The following PRKN variants were observed in gnomAD, a reference collection of about 807,000 sequenced individuals.
PRKN encodes E3 ubiquitin-protein ligase parkin.
Under a neutral mutation model 59.5 loss-of-function variants are expected in PRKN, and 56 were observed. The ratio of observed to expected loss-of-function variants is 0.94; its 90% CI spans 0.76 to 1.18. The LOEUF (loss-of-function observed/expected upper bound fraction) is 1.18. PRKN is among the 50% of genes most tolerant of loss of function. PRKN has a pLI of 0.00. For synonymous variants in PRKN, 250 were observed against 222.1 expected (o/e 1.13, Z -1.12); for missense variants, 657 against 596.4 (o/e 1.10, Z -1.06).
At chr6:162,320,926 G>GA (rs1302837088) in intron 2 of PRKN, among the ~76,000 whole-genome samples, 1 of 151,748 alleles carries the variant, frequency 6.6e-6, no homozygotes, top group Admixed American at 6.6e-5. Context: ...GGACTAAACA[G>GA]AAAAAAGTTT....
At position 161,487,118 on chromosome 6, in the gene PRKN, A is replaced by G. The variant is rs1791687992; in HGVS notation, c.1083+61736T>C. ...GAGGGGCGATGAGGTAAGAATGACT[A>G]ATGCTTATGAACCATTGCCTGATAA... is the stretch of plus-strand genomic sequence containing the variant. On this transcript the variant is annotated intron_variant, in intron 9 of 11. Coordinates refer to ENST00000366898, the MANE Select transcript of PRKN (RefSeq NM_004562.3). The surrounding 1 kb of genome is among the most constrained non-coding windows in gnomAD (Gnocchi z 5.3). 6.6e-6 allele frequency among the ~76,000 whole-genome samples: 1 copy of G among 152,180 alleles called. No individual in the cohort carries two copies. Among genetic ancestry groups the G allele is most frequent in the Non-Finnish European group, 1.5e-5 (1 of 68,022 alleles).
rs753789640 is a variant in PRKN, at chr6:161,487,653, TATG to T, written c.1083+61198_1083+61200del. 5.2e-4 allele frequency among the ~76,000 whole-genome samples: 79 copies of T among 152,350 alleles called. No homozygotes were observed. The highest frequency in any genetic ancestry group is 1.0e-3 in the Non-Finnish European group (68 of 68,040). On this transcript the variant is annotated intron_variant, in intron 9 of 11. Coordinates refer to ENST00000366898, the MANE Select transcript of PRKN (RefSeq NM_004562.3). This position sits in a 1 kb window ranked among gnomAD's most constrained non-coding sequence, Gnocchi z 5.3. ...AATAATATTAAATATTGACTACTGATATGATAATATGTGTATTCATGTAGGAGG... is the reference window on the plus strand; with the variant it reads ...AATAATATTAAATATTGACTACTGATATAATATGTGTATTCATGTAGGAGG...
intron 6 of PRKN, among the ~76,000 whole-genome samples, chr6:161,960,432 A>G (rs1342295317): frequency 1.3e-5 from 2 of 152,196 alleles, no homozygotes; most frequent in African/African-American, 4.8e-5. Context: ...AGAAGCAGAA[A>G]CTTCTTTAGC....
chr6:162,062,322 A>G (rs978839108), intron 4 of PRKN, among the ~76,000 whole-genome samples: 5 of 152,224 alleles, frequency 3.3e-5, no homozygotes, highest in Admixed American at 6.5e-5. Context: ...AACATGGAAT[A>G]TGTGGCATGA....
intron 2 of PRKN, among the ~76,000 whole-genome samples, chr6:162,366,110 C>T (rs997657871): frequency 5.9e-5 from 9 of 152,166 alleles, no homozygotes; most frequent in Non-Finnish European, 7.3e-5. Context: ...ATTATGGCAA[C>T]GGCCCTTTTC....
intron 4 of PRKN, among the ~76,000 whole-genome samples, chr6:162,108,867 G>C (rs977939717): frequency 6.6e-6 from 1 of 152,166 alleles, no homozygotes; most frequent in Non-Finnish European, 1.5e-5. Flanking sequence ...CCCACAACTG[G>C]GGCTTAGCTG....
chr6:161,366,510 CA>C (rs1462662483), intron 10 of PRKN, among the ~76,000 whole-genome samples: 2 of 152,214 alleles, frequency 1.3e-5, no homozygotes, highest in African/African-American at 4.8e-5. Context: ...ACTGTTAAAG[CA>C]AACTAAGTAT....
chr6:162,380,732 A>G (rs1267009910), intron 2 of PRKN, among the ~76,000 whole-genome samples: 3 of 151,904 alleles, frequency 2.0e-5, no homozygotes, highest in Admixed American at 2.0e-4. Flanking sequence ...TGTTTAAAAA[A>G]AAACCTTGAA....
chr6:161,940,724 G>C (rs1201053267), intron 6 of PRKN, among the ~76,000 whole-genome samples: 1 of 152,212 alleles, frequency 6.6e-6, no homozygotes, highest in African/African-American at 2.4e-5. Flanking sequence ...GCCGGAAAGT[G>C]ACTGTTCAGA....
chr6:161,437,972 A>T (rs1789004497), intron 9 of PRKN, among the ~76,000 whole-genome samples: 1 of 152,086 alleles, frequency 6.6e-6, no homozygotes, highest in African/African-American at 2.4e-5. Flanking sequence ...CTTGTAATTG[A>T]CACAGTAATT....
chr6:161,663,645 A>G (rs546710065), intron 7 of PRKN, among the ~76,000 whole-genome samples: 8 of 152,296 alleles, frequency 5.3e-5, no homozygotes, highest in Admixed American at 5.2e-4. Flanking sequence ...GAAATATTAG[A>G]CTTTATCTGT....
Position 161,497,577 on chromosome 6 carries a change from T to TCTCTCACACACACACACA in PRKN, c.1083+51276_1083+51277insTGTGTGTGTGTGTGAGAG, listed in dbSNP as rs369404858. 1.4e-5 allele frequency among the ~76,000 whole-genome samples: 2 copies of TCTCTCACACACACACACA among 147,478 alleles called. No homozygotes were observed. Among genetic ancestry groups the TCTCTCACACACACACACA allele is most frequent in the African/African-American group, 5.0e-5 (2 of 39,800 alleles). Reference sequence around the variant, plus strand: ...ATGTCTCTCTCTCTCTCTCTCTCTCTCACACACACACACACACACACCATA... The same window carrying TCTCTCACACACACACACA: ...ATGTCTCTCTCTCTCTCTCTCTCTCTCTCTCACACACACACACACACACACACACACACACACACCATA... On this transcript the variant is annotated intron_variant, in intron 9 of 11. Coordinates refer to ENST00000366898, the MANE Select transcript of PRKN (RefSeq NM_004562.3). This position sits in a 1 kb window ranked among gnomAD's most constrained non-coding sequence, Gnocchi z 4.6.
Position 161,529,980 on chromosome 6 carries a change from A to G in PRKN, c.1083+18874T>C, listed in dbSNP as rs191380639. 3.3e-4 allele frequency among the ~76,000 whole-genome samples: 50 copies of G among 149,418 alleles called. No individual in the cohort carries two copies. Among genetic ancestry groups the G allele is most frequent in the African/African-American group, 1.3e-3 (50 of 38,854 alleles). On this transcript the variant is annotated intron_variant, in intron 9 of 11. Coordinates refer to ENST00000366898, the MANE Select transcript of PRKN (RefSeq NM_004562.3). This position sits in a 1 kb window ranked among gnomAD's most constrained non-coding sequence, Gnocchi z 4.4. ...CTTTGTAGAGTAGTGAAACTTATTG[A>G]GCATGTTATAAAAACAACAGAGCAG...
At chr6:162,530,362 C>T (rs1778461838) in intron 1 of PRKN, among the ~76,000 whole-genome samples, 1 of 152,138 alleles carries the variant, frequency 6.6e-6, no homozygotes, top group Non-Finnish European at 1.5e-5. Context: ...ATTTAGAGAA[C>T]TGCCGCTTAA....
chr6:161,467,026 A>G lies in PRKN; in HGVS notation c.1084-80149T>C, dbSNP rs1655870398. Among the ~76,000 whole-genome samples the G allele has an allele frequency of 6.6e-6, 1 of 152,188 alleles. No individual in the cohort carries two copies. Among genetic ancestry groups the G allele is most frequent in the Non-Finnish European group, 1.5e-5 (1 of 68,032 alleles). On this transcript the variant is annotated intron_variant, in intron 9 of 11. Coordinates refer to ENST00000366898, the MANE Select transcript of PRKN (RefSeq NM_004562.3). The surrounding 1 kb of genome is among the most constrained non-coding windows in gnomAD (Gnocchi z 4.3). Reference sequence around the variant, plus strand: ...ATACAAGCCAACTTCTCTCTGCAGAATGTTCTACATCCCAGAAACCAGGAT... The same window carrying G: ...ATACAAGCCAACTTCTCTCTGCAGAGTGTTCTACATCCCAGAAACCAGGAT...
At chr6:161,667,347 C>G (rs1040410685) in intron 7 of PRKN, among the ~76,000 whole-genome samples, 1 of 152,156 alleles carries the variant, frequency 6.6e-6, no homozygotes, top group Non-Finnish European at 1.5e-5. Context: ...CTCAGGGACT[C>G]CATCCCTGGC....
intron 5 of PRKN, among the ~76,000 whole-genome samples, chr6:162,002,990 C>T (rs1005355617): frequency 6.6e-6 from 1 of 151,902 alleles, no homozygotes; most frequent in South Asian, 2.1e-4. Flanking sequence ...TCTATGATTT[C>T]TATTCTTTTA....
chr6:162,390,392 TATATACAC>T (rs1469674589), intron 2 of PRKN, among the ~76,000 whole-genome samples: 87 of 123,504 alleles, frequency 7.0e-4, no homozygotes, highest in African/African-American at 3.3e-3. Flanking sequence ...TATATATATA[TATATACAC>T]ACACACACAC....
At chr6:161,994,346 C>G (rs1272150334) in intron 5 of PRKN, among the ~76,000 whole-genome samples, 1 of 151,754 alleles carries the variant, frequency 6.6e-6, no homozygotes, top group Non-Finnish European at 1.5e-5. Flanking sequence ...AAAACATCAA[C>G]AAACTAGGCA....
Sources: gnomAD v4.1 joint callset for allele counts (sites outside exome capture counted in the v4.1 genomes callset) on GRCh38, gnomAD v4.1.1 for gene constraint, Gnocchi (gnomAD v3.1) non-coding constraint, MANE v1.5 for transcripts, NCBI Gene and HGNC (gene_info 2026-07-23, HGNC 2026-07-21) for gene names.